The following CANX variants were observed in gnomAD, a reference collection of about 807,000 sequenced individuals.
CANX encodes the protein calnexin.
Under a neutral mutation model 75.7 loss-of-function variants are expected in CANX, and 14 were observed. That is an observed-to-expected ratio of 0.19 (90% CI 0.12 to 0.29). CANX has a LOEUF of 0.29. CANX is among the 10% of genes least tolerant of loss of function. CANX has a pLI of 1.00. For synonymous variants in CANX, 227 were observed against 236.9 expected (o/e 0.96, Z 0.38); for missense variants, 567 against 713.2 (o/e 0.79, Z 2.34).
At chr5:179,723,864 T>A (rs79110245) in intron 12 of CANX, 85 bp downstream of exon 12, 2 of 1,287,792 alleles carry the variant, frequency 1.6e-6, no homozygotes, top group East Asian at 2.4e-5. Context: ...TGCCTGAGGT[T>A]TTCTTTGTAG....
At chr5:179,728,010 G>GT (rs1327868964) in intron 14 of CANX, among the ~76,000 whole-genome samples, 1 of 152,152 alleles carries the variant, frequency 6.6e-6, no homozygotes, top group Non-Finnish European at 1.5e-5. Flanking sequence ...ATTGCTATCT[G>GT]TATCTTTTGT....
In CANX at chr5:179,711,554, C is replaced by T. The variant is rs145278734; in HGVS notation, c.721+1489C>T. Among the ~76,000 whole-genome samples, 1,293 of 151,566 alleles carry T rather than the reference C, an allele frequency of 8.5e-3. 20 individuals carry two copies. The highest frequency in any genetic ancestry group is 0.03 in the African/African-American group (1,234 of 41,308). ...CTATAATCCCAGCACTTTGGGTGGC[C>T]GAGGTGGGCGGATCACCTGAGGTCA... On this transcript the variant is annotated intron_variant, in intron 7 of 14. Transcript: ENST00000247461.
rs1182195824 is a variant in CANX at position 179,728,583 on chromosome 5, A to T, written c.1726-8A>T. ...GCTAATTATAATGAATTTCTTTTCA[A>T]TCAATAGGAGGATGAAATTTTGAAC... On this transcript the variant is annotated splice_polypyrimidine_tract_variant and splice_region_variant and intron_variant, in intron 14 of 14. Coordinates refer to ENST00000247461, the MANE Select transcript of CANX (RefSeq NM_001746.4). The T allele has an allele frequency of 6.5e-7, 1 of 1,547,080 alleles. No individual in the cohort carries two copies. The highest frequency in any genetic ancestry group is 8.9e-7 in the Non-Finnish European group (1 of 1,119,690).
At chr5:179,695,258 A>G (rs1396892442), upstream of CANX, among the ~76,000 whole-genome samples, 1 of 151,740 alleles carries the variant, frequency 6.6e-6, no homozygotes, top group African/African-American at 2.4e-5. Context: ...ACGGGGTTTC[A>G]CCGTGTTAGC....
chr5:179,691,102 G>A (rs1776292526), intron 1 of CANX, among the ~76,000 whole-genome samples: 2 of 151,678 alleles, frequency 1.3e-5, no homozygotes, highest in South Asian at 2.1e-4. Flanking sequence ...CTTGGCTCAT[G>A]GCAACTTCTG....
upstream of CANX, among the ~76,000 whole-genome samples, chr5:179,696,882 A>C (rs955455760): frequency 1.3e-5 from 2 of 152,166 alleles, no homozygotes; most frequent in African/African-American, 4.8e-5. Context: ...GCATCAAGTA[A>C]GTCTATAAGC....
At chr5:179,711,074 G>T (rs909119175) in intron 7 of CANX, among the ~76,000 whole-genome samples, 1 of 151,824 alleles carries the variant, frequency 6.6e-6, no homozygotes, top group African/African-American at 2.4e-5. Flanking sequence ...CGAAAGAAAA[G>T]AATCTCTTCA....
upstream of CANX, chr5:179,698,368 G>C: frequency 8.5e-7 from 1 of 1,183,264 alleles, no homozygotes; most frequent in Non-Finnish European, 1.1e-6. Context: ...CTCCTGGGCC[G>C]AGCCATGACT....
intron 1 of CANX, among the ~76,000 whole-genome samples, chr5:179,691,737 G>GT (rs1776301929): frequency 6.6e-6 from 1 of 151,904 alleles, no homozygotes; most frequent in African/African-American, 2.4e-5. Flanking sequence ...CCTTGAGGTA[G>GT]TTTCACTATA....
intron 1 of CANX, among the ~76,000 whole-genome samples, chr5:179,682,558 A>T (rs1406734851): frequency 6.6e-6 from 1 of 151,992 alleles, no homozygotes; most frequent in Non-Finnish European, 1.5e-5. Context: ...TCAAAATACA[A>T]AATTAGCCGG....
At chr5:179,692,335 A>G (rs1417296949) in intron 1 of CANX, among the ~76,000 whole-genome samples, 4 of 152,070 alleles carry the variant, frequency 2.6e-5, no homozygotes, top group Non-Finnish European at 5.9e-5. Flanking sequence ...TCGGTCTCCC[A>G]AAGTGCTGGG....
chr5:179,726,495 G>T (rs1394703679), intron 13 of CANX, among the ~76,000 whole-genome samples, 185 bp from the exon 14 acceptor site: 1 of 149,518 alleles, frequency 6.7e-6, no homozygotes, highest in Admixed American at 6.7e-5. Flanking sequence ...AGAATGGCGT[G>T]AACCCGGGAG....
intron 10 of CANX, among the ~76,000 whole-genome samples, chr5:179,721,835 T>C (rs763932036): frequency 6.6e-6 from 1 of 152,116 alleles, no homozygotes; most frequent in Admixed American, 6.6e-5. Flanking sequence ...TATATACATA[T>C]ACAGAAACAG....
At chr5:179,709,624 T>C (rs1777388974) in intron 6 of CANX, 4 of 285,948 alleles carry the variant, frequency 1.4e-5, no homozygotes, top group Non-Finnish European at 2.6e-5. Flanking sequence ...CTTATTTCTT[T>C]GTTTTATGAG....
At position 179,724,727 on chromosome 5, in the gene CANX, A is replaced by G. The variant is rs1176825225; in HGVS notation, c.1589A>G (p.Glu530Gly). Residue 530 changes from glutamate to glycine, a missense_variant, in exon 13 of 15, where the codon GAG (glutamate) becomes GGG (glycine). Physicochemically the swap from Glu to Gly is moderately conservative, Grantham distance 98. This residue lies in a region of CANX where 167 missense variants were observed against 179.3 expected (regional missense o/e 0.93). Transcript: ENST00000247461. The stretch of plus-strand genomic sequence containing the variant: ...CCGGATGTGAAGGAAGAGGAAGAAG[A>G]GAAGGAAGAGGAAAAGGACAAGGGA... The part of the protein sequence containing the change: ...PQPDVKEEEE[E>G]KEEEKDKGDE... 6.2e-7 allele frequency: 1 copy of G among 1,612,208 alleles called. No homozygotes were observed. Among genetic ancestry groups the G allele is most frequent in the African/African-American group, 1.3e-5 (1 of 75,016 alleles).
chr5:179,708,231 T>A lies in CANX; in HGVS notation c.305-8T>A. 1 of 1,613,224 alleles carries A rather than the reference T, an allele frequency of 6.2e-7. No individual in the cohort carries two copies. The highest frequency in any genetic ancestry group is 8.5e-7 in the Non-Finnish European group (1 of 1,179,320). ...TAAGCAGTGGAACTTTTTTGTGTTGTCTTGTAGGAAAGTGGGAGGTAGAGG... is the reference window on the plus strand; with the variant it reads ...TAAGCAGTGGAACTTTTTTGTGTTGACTTGTAGGAAAGTGGGAGGTAGAGG... On this transcript the variant is annotated splice_region_variant and splice_polypyrimidine_tract_variant and intron_variant, in intron 4 of 14. Coordinates refer to ENST00000247461, the MANE Select transcript of CANX (RefSeq NM_001746.4).
intron 1 of CANX, among the ~76,000 whole-genome samples, chr5:179,688,121 G>C (rs1365486605): frequency 1.4e-5 from 2 of 139,874 alleles, no homozygotes; most frequent in Non-Finnish European, 3.1e-5. Context: ...GCAGTGGCAC[G>C]ATCTCGGCTC....
intron 7 of CANX, among the ~76,000 whole-genome samples, chr5:179,715,405 G>A (rs999746704): frequency 1.3e-5 from 2 of 152,044 alleles, no homozygotes; most frequent in Non-Finnish European, 2.9e-5. Flanking sequence ...ATGGTGGCAC[G>A]GGGCCGTCTG....
chr5:179,707,049 C>A, intron 3 of CANX, 83 bp from the exon 4 acceptor site: 1 of 816,024 alleles, frequency 1.2e-6, no homozygotes, highest in South Asian at 1.4e-5. Context: ...CAGAATAGGT[C>A]CTACTTTAAT....
Sources: gnomAD v4.1 joint callset for allele counts (sites outside exome capture counted in the v4.1 genomes callset) on GRCh38, gnomAD v4.1.1 for gene constraint, gnomAD v4.1.1 regional missense constraint, MANE v1.5 for transcripts, NCBI Gene and HGNC (gene_info 2026-07-23, HGNC 2026-07-21) for gene names.